The following PMFBP1 variants were observed in gnomAD, a reference collection of about 807,000 sequenced individuals.
The protein encoded by PMFBP1 is polyamine-modulated factor 1-binding protein 1.
In PMFBP1, 131 loss-of-function variants were observed where a neutral mutation model predicts 137.8. The observed-to-expected ratio is 0.95, with a 90% CI of 0.82 to 1.10. PMFBP1 has a LOEUF of 1.10. Among genes scored for constraint, PMFBP1 ranks in the 50% least tolerant of loss-of-function variants. The pLI is 0.00. For synonymous variants in PMFBP1, 490 were observed against 450.4 expected, an observed-to-expected ratio of 1.09 and a Z score of -1.11; for missense variants, 1,199 against 1,175.4, an observed-to-expected ratio of 1.02 and a Z score of -0.29.
chr16:72,154,903 C>A (rs538245747), intron 3 of PMFBP1, among the ~76,000 whole-genome samples: 21 of 152,194 alleles, frequency 1.4e-4, no homozygotes, highest in African/African-American at 4.3e-4. Context: ...AGGGTGAATT[C>A]TTGGGGATTT....
chr16:72,146,990 C>T (rs1010918632), intron 5 of PMFBP1, among the ~76,000 whole-genome samples: 2 of 152,190 alleles, frequency 1.3e-5, no homozygotes, highest in Admixed American at 1.3e-4. Flanking sequence ...ATAAAGCTAC[C>T]ACTGAGTTTC....
the PMFBP1 span, among the ~76,000 whole-genome samples, chr16:72,246,215 T>C: frequency 6.6e-6 from 1 of 152,176 alleles, no homozygotes; most frequent in Non-Finnish European, 1.5e-5. Flanking sequence ...AATATTAAAT[T>C]ACTGTTGCAT....
chr16:72,236,308 T>C, the PMFBP1 span, among the ~76,000 whole-genome samples: 2 of 152,178 alleles, frequency 1.3e-5, no homozygotes, highest in Non-Finnish European at 2.9e-5. Context: ...ATGTACTTAA[T>C]GAACTTGTAA....
At chr16:72,224,274 T>A in the PMFBP1 span, among the ~76,000 whole-genome samples, 6 of 152,140 alleles carry the variant, frequency 3.9e-5, no homozygotes, top group African/African-American at 1.4e-4. Flanking sequence ...GTTTGGCTCT[T>A]TCTTGTCTGA....
chr16:72,125,564 G>A (rs572310412), intron 15 of PMFBP1, among the ~76,000 whole-genome samples, 159 bp from the exon 16 acceptor site: 1 of 152,298 alleles, frequency 6.6e-6, no homozygotes, highest in East Asian at 1.9e-4. Flanking sequence ...GGAAATGACA[G>A]TGGTTGGTTT....
At chr16:72,195,742 T>C in the PMFBP1 span, among the ~76,000 whole-genome samples, 12 of 152,244 alleles carry the variant, frequency 7.9e-5, no homozygotes, top group Admixed American at 6.5e-4. Flanking sequence ...GGGAAAAGCT[T>C]GTACTTAAAC....
chr16:72,188,074 T>C, the PMFBP1 span, among the ~76,000 whole-genome samples: 3 of 152,236 alleles, frequency 2.0e-5, no homozygotes, highest in Admixed American at 2.0e-4. Flanking sequence ...ACCCCAAGAC[T>C]ATAGAATGCC....
At chr16:72,185,111 C>T in the PMFBP1 span, among the ~76,000 whole-genome samples, 2,384 of 151,976 alleles carry the variant, frequency 0.016, 23 homozygotes, top group South Asian at 0.039. Flanking sequence ...GCAACCTCTG[C>T]CTCCCAGGTT....
At chr16:72,198,844 A>T in the PMFBP1 span, among the ~76,000 whole-genome samples, 1 of 147,658 alleles carries the variant, frequency 6.8e-6, no homozygotes, top group Admixed American at 6.7e-5. Flanking sequence ...AGCAACACAG[A>T]CTACCAGGAG....
At chr16:72,220,937 C>T in the PMFBP1 span, among the ~76,000 whole-genome samples, 348 of 152,332 alleles carry the variant, frequency 2.3e-3, 1 homozygote, top group Non-Finnish European at 4.2e-3. Flanking sequence ...ACTAGGTCCA[C>T]TGACTGCTCC....
intron 3 of PMFBP1, among the ~76,000 whole-genome samples, chr16:72,159,124 C>A (rs575601451): frequency 6.6e-6 from 1 of 152,162 alleles, no homozygotes; most frequent in Non-Finnish European, 1.5e-5. Context: ...CTTCTCTTTG[C>A]TTCCACGTCC....
the PMFBP1 span, among the ~76,000 whole-genome samples, chr16:72,185,056 C>T: frequency 2.0e-5 from 3 of 150,982 alleles, no homozygotes; most frequent in Non-Finnish European, 4.4e-5. Flanking sequence ...CGGAGTCTCG[C>T]TGTGTCACCC....
the PMFBP1 span, among the ~76,000 whole-genome samples, chr16:72,237,296 A>G: frequency 6.6e-6 from 1 of 152,168 alleles, no homozygotes; most frequent in African/African-American, 2.4e-5. Context: ...GCTGCTGTCC[A>G]TAGCTCAGGG....
At chr16:72,247,001 A>G in the PMFBP1 span, among the ~76,000 whole-genome samples, 1 of 152,198 alleles carries the variant, frequency 6.6e-6, no homozygotes, top group Non-Finnish European at 1.5e-5. Context: ...ATGCTCTGAC[A>G]CAAAATGGGG....
chr16:72,212,609 CTGA>C, the PMFBP1 span, among the ~76,000 whole-genome samples: 4 of 152,036 alleles, frequency 2.6e-5, no homozygotes, highest in Non-Finnish European at 4.4e-5. Flanking sequence ...CAACATCCAA[CTGA>C]TAGGAATTCT....
chr16:72,151,435 C>T (rs2042901951), intron 4 of PMFBP1, among the ~76,000 whole-genome samples: 1 of 152,128 alleles, frequency 6.6e-6, no homozygotes, highest in Non-Finnish European at 1.5e-5. Context: ...ATATGCTCAC[C>T]CCTCAAAGAG....
the PMFBP1 span, among the ~76,000 whole-genome samples, chr16:72,193,430 A>T: frequency 6.6e-6 from 1 of 152,140 alleles, no homozygotes; most frequent in Admixed American, 6.5e-5. Flanking sequence ...TATGAAAAAA[A>T]TTGTGGAGGC....
rs1053329566 is a variant in PMFBP1 at position 72,171,063 on chromosome 16, C to G, written c.12+134G>C. 2.9e-6 allele frequency: 3 copies of G among 1,030,200 alleles called. No homozygotes were observed. In the Admixed American group the frequency reaches 6.0e-5, roughly 21 times the overall value. The allele number at this position is 1,030,200 out of a possible 1,614,324, so 63.8% of individuals were successfully genotyped here. ...CAGCTCGAGTCTGGGCTCTTAAACACGATGCTCTGCTGCCCACCTCTGTCC... is the reference window on the plus strand; with the variant it reads ...CAGCTCGAGTCTGGGCTCTTAAACAGGATGCTCTGCTGCCCACCTCTGTCC... On this transcript the variant is annotated intron_variant, in intron 2 of 20. Coordinates refer to ENST00000237353, the MANE Select transcript of PMFBP1 (RefSeq NM_031293.3).
chr16:72,117,056 T>G (rs866758815), downstream of PMFBP1, among the ~76,000 whole-genome samples: 13 of 148,232 alleles, frequency 8.8e-5, no homozygotes, highest in Middle Eastern at 6.9e-3. Flanking sequence ...AAAAAAAAAT[T>G]GGGATTTTGA....
Sources: gnomAD v4.1 joint callset for allele counts (sites outside exome capture counted in the v4.1 genomes callset) on GRCh38, gnomAD v4.1.1 for gene constraint, MANE v1.5 for transcripts, NCBI Gene and HGNC (gene_info 2026-07-23, HGNC 2026-07-21) for gene names.